SORBS2: variants seen among roughly 807,000 people sequenced by gnomAD.
The protein encoded by SORBS2 is sorbin and SH3 domain-containing protein 2.
SORBS2 carries 46 observed loss-of-function variants against 97.7 expected under a neutral mutation model. That is an observed-to-expected ratio of 0.47 (90% confidence interval 0.37 to 0.60). The LOEUF (loss-of-function observed/expected upper bound fraction) is 0.60. Ranked by LOEUF, SORBS2 falls within the 20% of genes least tolerant of loss-of-function variation. The pLI is 0.00. For missense variants in SORBS2, 1,316 were observed against 1,282.3 expected, an observed-to-expected ratio of 1.03 and a Z score of -0.40; for synonymous variants, 476 against 473.4, an observed-to-expected ratio of 1.01 and a Z score of -0.07.
intron 1 of SORBS2, among the ~76,000 whole-genome samples, chr4:185,788,159 C>T (rs951556224): frequency 1.3e-5 from 2 of 152,232 alleles, no homozygotes; most frequent in East Asian, 1.9e-4. Context: ...AGACTTGCTA[C>T]TCAAACCCCT....
At chr4:185,762,293 C>A (rs182618735) in intron 2 of SORBS2, among the ~76,000 whole-genome samples, 4 of 152,082 alleles carry the variant, frequency 2.6e-5, no homozygotes. Flanking sequence ...GAGTTTTAGA[C>A]GCATTGAATT....
intron 1 of SORBS2, among the ~76,000 whole-genome samples, chr4:185,818,902 A>G (rs2099194998): frequency 6.6e-6 from 1 of 152,130 alleles, no homozygotes; most frequent in African/African-American, 2.4e-5. Context: ...CAACTTTCCT[A>G]TAGGCATAAA....
chr4:185,695,505 G>GTTTT (rs70962586), intron 2 of SORBS2, among the ~76,000 whole-genome samples: 1 of 150,204 alleles, frequency 6.7e-6, no homozygotes. Context: ...CAGGATGTTA[G>GTTTT]TTTTTTTTTT....
chr4:185,673,632 T>C (rs916605336), intron 4 of SORBS2, among the ~76,000 whole-genome samples: 2 of 152,234 alleles, frequency 1.3e-5, no homozygotes, highest in African/African-American at 4.8e-5. Context: ...AGCAGTTCTA[T>C]GAATGGTTGC....
intron 1 of SORBS2, among the ~76,000 whole-genome samples, chr4:185,884,954 C>T (rs770028243): frequency 6.6e-6 from 1 of 152,136 alleles, no homozygotes; most frequent in Non-Finnish European, 1.5e-5. Context: ...AGTGGTGGCA[C>T]GGCATAAATT....
At chr4:185,855,961 T>C (rs2149697461) in intron 1 of SORBS2, among the ~76,000 whole-genome samples, 1 of 152,300 alleles carries the variant, frequency 6.6e-6, no homozygotes, top group African/African-American at 2.4e-5. Flanking sequence ...AATGTGCCTT[T>C]GGGATTCTCA....
At chr4:185,646,379 GTA>G in intron 4 of SORBS2, 1 of 253,180 alleles carries the variant, frequency 3.9e-6, no homozygotes. Flanking sequence ...ATACACATGT[GTA>G]TATATGTGTA....
intron 4 of SORBS2, among the ~76,000 whole-genome samples, chr4:185,638,534 A>G (rs997988595): frequency 1.6e-4 from 24 of 152,194 alleles, no homozygotes; most frequent in African/African-American, 5.3e-4. Flanking sequence ...CAACCCAGTC[A>G]CCAAATAGCT....
chr4:185,929,597 G>A (rs1477145292), intron 1 of SORBS2, among the ~76,000 whole-genome samples: 1 of 148,470 alleles, frequency 6.7e-6, no homozygotes. Context: ...GTGCAATCTC[G>A]ACTCACTGAC....
In SORBS2 at chr4:185,879,791, C is replaced by T. The variant is rs13142942; in HGVS notation, c.-338+76405G>A. 7.6e-3 allele frequency among the ~76,000 whole-genome samples: 1,153 copies of T among 152,272 alleles called. 7 individuals carry two copies. The highest frequency in any genetic ancestry group is 0.012 in the Non-Finnish European group (807 of 68,018). The stretch of plus-strand genomic sequence containing the variant: ...GCTTTGTTTTTCTCATGAGGATGCA[C>T]AACTCTCTGAGCTTCTATCTGTTCA... On this transcript the variant is annotated intron_variant, in intron 1 of 20. Coordinates refer to the SORBS2 transcript ENST00000284776.
At chr4:185,586,125 C>T (rs1312154404) in exon 15 of SORBS2, 2 of 80,680 alleles carry the variant, frequency 2.5e-5, no homozygotes, top group African/African-American at 7.3e-5. Flanking sequence ...CTAGAGGCTA[C>T]GTACATTGTG....
chr4:185,952,516 C>G (rs1242439840), intron 1 of SORBS2, among the ~76,000 whole-genome samples: 1 of 152,210 alleles, frequency 6.6e-6, no homozygotes, highest in Non-Finnish European at 1.5e-5. Context: ...GATTTAATCA[C>G]TACTAAGCCC....
intron 2 of SORBS2, chr4:185,774,779 A>G (rs1476885287): frequency 6.6e-6 from 1 of 152,140 alleles, no homozygotes. Flanking sequence ...AAAGGAGAAC[A>G]TTATACAATA....
intron 1 of SORBS2, among the ~76,000 whole-genome samples, chr4:185,873,956 T>G (rs750776979): frequency 6.6e-6 from 1 of 152,156 alleles, no homozygotes; most frequent in African/African-American, 2.4e-5. Flanking sequence ...CTAGCTTATA[T>G]CAAACATTAA....
At chr4:185,610,243 T>C (rs2096511688) in intron 12 of SORBS2, among the ~76,000 whole-genome samples, 1 of 152,200 alleles carries the variant, frequency 6.6e-6, no homozygotes, top group Admixed American at 6.5e-5. Flanking sequence ...TATTTGAAGG[T>C]ACAGTTGCTT....
chr4:185,787,358 A>G (rs536809690), intron 1 of SORBS2, among the ~76,000 whole-genome samples: 1 of 152,312 alleles, frequency 6.6e-6, no homozygotes, highest in South Asian at 2.1e-4. Flanking sequence ...AACTGAACTG[A>G]TGCATTGGGG....
chr4:185,672,227 G>A (rs1202054382), intron 4 of SORBS2, among the ~76,000 whole-genome samples: 1 of 152,214 alleles, frequency 6.6e-6, no homozygotes, highest in Non-Finnish European at 1.5e-5. Flanking sequence ...CAAAAGAAAT[G>A]AGTTTCCTCT....
chr4:185,952,187 G>A (rs1295796745), intron 1 of SORBS2, among the ~76,000 whole-genome samples: 2 of 152,048 alleles, frequency 1.3e-5, no homozygotes, highest in African/African-American at 4.8e-5. Flanking sequence ...ACCACTTCTG[G>A]CTAATTTTTG....
chr4:185,713,328 T>C (rs11132337), intron 2 of SORBS2, among the ~76,000 whole-genome samples: 118,307 of 152,118 alleles, frequency 0.78, 47,330 homozygotes, highest in Non-Finnish European at 0.89. Flanking sequence ...CTGCCCCATA[T>C]AAAATGCAGT....
Sources: gnomAD v4.1 joint callset for allele counts (sites outside exome capture counted in the v4.1 genomes callset) on GRCh38, gnomAD v4.1.1 for gene constraint, MANE v1.5 for transcripts, NCBI Gene and HGNC (gene_info 2026-07-23, HGNC 2026-07-21) for gene names.